Variants in NLRP11 observed in about 807,000 individuals in gnomAD.
NLRP11 encodes NACHT, LRR and PYD domains-containing protein 11.
Under a neutral mutation model 79.3 loss-of-function variants are expected in NLRP11, and 53 were observed. That is an observed-to-expected ratio of 0.67 (90% confidence interval 0.54 to 0.84). NLRP11 has a LOEUF of 0.84. NLRP11 is among the 40% of genes least tolerant of loss of function. NLRP11 has a pLI of 0.00. For missense variants in NLRP11, 1,264 were observed against 1,255.0 expected (o/e 1.01, Z -0.11); for synonymous variants, 518 against 462.6 (o/e 1.12, Z -1.54).
At chr19:55,811,115 T>C (rs1279310398) in intron 2 of NLRP11, among the ~76,000 whole-genome samples, 2 of 152,208 alleles carry the variant, frequency 1.3e-5, no homozygotes, top group African/African-American at 4.8e-5. Flanking sequence ...CCCTTCTATT[T>C]TTTTGTTTAT....
chr19:55,806,575 AAG>A (rs1980012561), intron 4 of NLRP11, among the ~76,000 whole-genome samples: 1 of 152,100 alleles, frequency 6.6e-6, no homozygotes, highest in South Asian at 2.1e-4. Flanking sequence ...TGCCAAGAAA[AAG>A]AGCCTCCTCT....
intron 1 of NLRP11, among the ~76,000 whole-genome samples, chr19:55,818,620 T>C (rs1411230851): frequency 1.3e-5 from 2 of 152,204 alleles, no homozygotes; most frequent in African/African-American, 2.4e-5. Flanking sequence ...CTGTTGTATA[T>C]GAAACTCCTC....
intron 2 of NLRP11, among the ~76,000 whole-genome samples, chr19:55,812,178 G>A (rs1980668036): frequency 6.6e-6 from 1 of 151,960 alleles, no homozygotes; most frequent in African/African-American, 2.4e-5. Flanking sequence ...GGAATTAGGA[G>A]GTAATTTTAT....
intron 4 of NLRP11, among the ~76,000 whole-genome samples, chr19:55,805,992 C>A (rs927958566): frequency 6.6e-6 from 1 of 152,246 alleles, no homozygotes; most frequent in African/African-American, 2.4e-5. Flanking sequence ...GGACTGCCAT[C>A]TGACACAGTT....
intron 9 of NLRP11, among the ~76,000 whole-genome samples, chr19:55,787,272 C>A (rs1489271916): frequency 6.6e-6 from 1 of 152,234 alleles, no homozygotes; most frequent in African/African-American, 2.4e-5. Flanking sequence ...TAAATGGCTT[C>A]TAACAATCCT....
At chr19:55,796,890 T>C (rs763460101) in intron 5 of NLRP11, among the ~76,000 whole-genome samples, 1 of 152,116 alleles carries the variant, frequency 6.6e-6, no homozygotes, top group Non-Finnish European at 1.5e-5. Context: ...GGTTTCACCA[T>C]GTTGGCCAGG....
rs143439553 is a variant in NLRP11, at chr19:55,793,414, C to A, written c.2343-943G>T. On this transcript the variant is annotated intron_variant, in intron 6 of 9. Coordinates refer to ENST00000589093, the Ensembl canonical transcript of NLRP11. ...TGAAACCCCGTCTCTGCTAAAAATA[C>A]AAAAATTAGCCGGCATAGTGGTGTG... 1.2e-4 allele frequency among the ~76,000 whole-genome samples: 18 copies of A among 151,760 alleles called. No individual in the cohort carries two copies. The East Asian group carries it at 3.3e-3, about 28-fold the overall frequency.
At chr19:55,786,451 G>C (rs748847923) in intron 9 of NLRP11, among the ~76,000 whole-genome samples, 2 of 152,042 alleles carry the variant, frequency 1.3e-5, no homozygotes, top group Non-Finnish European at 1.5e-5. Context: ...CACCTGGGAG[G>C]TCAAGGCTGC....
intron 2 of NLRP11, among the ~76,000 whole-genome samples, chr19:55,813,689 G>A (rs1980821032): frequency 6.6e-6 from 1 of 152,170 alleles, no homozygotes; most frequent in African/African-American, 2.4e-5. Flanking sequence ...ACAGTCTTGA[G>A]AATAAGATGA....
At chr19:55,786,174 A>G (rs979336685) in intron 9 of NLRP11, among the ~76,000 whole-genome samples, 1 of 152,222 alleles carries the variant, frequency 6.6e-6, no homozygotes, top group Non-Finnish European at 1.5e-5. Flanking sequence ...CACAATGGGT[A>G]ATGGCATTCA....
exon 2 of NLRP11, chr19:55,817,978 CATATAT>C: frequency 6.2e-7 from 1 of 1,610,528 alleles, no homozygotes; most frequent in African/African-American, 1.3e-5. Flanking sequence ...GAGCATATTC[CATATAT>C]ACTGTCCCTC....
chr19:55,792,425 T>A lies in NLRP11; in HGVS notation c.2389A>T (p.Arg797Ter). The change falls in exon 7 of 10, where the codon AGA becomes TGA. Residue 797 changes from arginine (R) to a stop codon, truncating the protein, a stop_gained. Coordinates refer to ENST00000589093, the Ensembl canonical transcript of NLRP11. LOFTEE classifies it high-confidence loss of function. Reference sequence around the variant, plus strand: ...AGAGTTGGGCTGAACAGAAGCACTCTTCCAAGGGCGCTGCAGCAATTTTCA... The same window carrying A: ...AGAGTTGGGCTGAACAGAAGCACTCATCCAAGGGCGCTGCAGCAATTTTCA... The A allele has an allele frequency of 6.2e-7, 1 of 1,614,152 alleles. No homozygotes were observed.
intron 2 of NLRP11, among the ~76,000 whole-genome samples, chr19:55,816,335 A>C (rs1262833527): frequency 6.6e-6 from 1 of 152,192 alleles, no homozygotes; most frequent in Non-Finnish European, 1.5e-5. Context: ...GGATGTGACA[A>C]CTGTAAATAT....
At chr19:55,788,691 G>A (rs930555362) in intron 9 of NLRP11, 116 bp downstream of exon 9, 7 of 691,004 alleles carry the variant, frequency 1.0e-5, no homozygotes, top group Non-Finnish European at 1.6e-5. Flanking sequence ...AATGAGCCAA[G>A]ATCACGCCAC....
At position 55,792,386 on chromosome 19, in the gene NLRP11, G is replaced by GGC; in HGVS notation, c.2427_2428insGC (p.Leu810AlafsTer4). ...TAATTTTTTAAGCGATTCACACACA[G>GGC]GTCTAGTTGTCTTAGAGTTGGGCTG... On this transcript the variant is annotated frameshift_variant, in exon 7 of 10. Coordinates refer to ENST00000589093, the Ensembl canonical transcript of NLRP11. LOFTEE classifies it high-confidence loss of function. The GGC allele has an allele frequency of 1.2e-6, 2 of 1,614,038 alleles. No homozygotes were observed. Among genetic ancestry groups the GGC allele is most frequent in the Non-Finnish European group, 1.7e-6 (2 of 1,179,906 alleles).
chr19:55,818,212 T>G (rs1981338529), exon 2 of NLRP11: 1 of 1,559,348 alleles, frequency 6.4e-7, no homozygotes, highest in Non-Finnish European at 8.7e-7. Flanking sequence ...AGAGAAGGGA[T>G]TTTGAGGCAC....
intron 9 of NLRP11, among the ~76,000 whole-genome samples, chr19:55,787,394 T>C (rs1989943744): frequency 6.6e-6 from 1 of 152,188 alleles, no homozygotes; most frequent in African/African-American, 2.4e-5. Context: ...TGGAGTGCAA[T>C]GGTGCGATCT....
intron 2 of NLRP11, among the ~76,000 whole-genome samples, chr19:55,814,762 C>A (rs949286597): frequency 6.6e-6 from 1 of 152,136 alleles, no homozygotes; most frequent in Non-Finnish European, 1.5e-5. Context: ...GAGAACAGAG[C>A]AGCAACACCA....
intron 3 of NLRP11, 118 bp from the exon 4 acceptor site, chr19:55,808,132 A>C: frequency 1.6e-6 from 1 of 618,938 alleles, no homozygotes; most frequent in Non-Finnish European, 2.8e-6. Context: ...ATTTAATACC[A>C]TGCAGCAAGA....
Sources: gnomAD v4.1 joint callset for allele counts (sites outside exome capture counted in the v4.1 genomes callset) on GRCh38, gnomAD v4.1.1 for gene constraint, MANE v1.5 for transcripts, NCBI Gene and HGNC (gene_info 2026-07-23, HGNC 2026-07-21) for gene names.